ASAP2: variants seen among roughly 807,000 people sequenced by gnomAD.
The protein encoded by ASAP2 is arf-GAP with SH3 domain, ANK repeat and PH domain-containing protein 2.
A neutral mutation model predicts 131.4 loss-of-function variants in ASAP2; 45 were observed. The ratio of observed to expected loss-of-function variants is 0.34; its 90% CI spans 0.27 to 0.44. ASAP2 has a LOEUF of 0.44. Ranked by LOEUF, ASAP2 falls within the 20% of genes least tolerant of loss-of-function variation. ASAP2 has a pLI of 1.00. For missense variants in ASAP2, 1,011 were observed against 1,297.0 expected (o/e 0.78, Z 3.39); for synonymous variants, 510 against 503.0 (o/e 1.01, Z -0.19).
intron 17 of ASAP2, among the ~76,000 whole-genome samples, chr2:9,375,903 C>G (rs1218400836): frequency 1.3e-5 from 2 of 152,228 alleles, no homozygotes; most frequent in Admixed American, 1.3e-4. Context: ...CAAGACCCCT[C>G]CTTTCCTGGG....
intron 9 of ASAP2, among the ~76,000 whole-genome samples, chr2:9,337,553 A>G (rs1183562817): frequency 6.6e-6 from 1 of 152,198 alleles, no homozygotes; most frequent in Non-Finnish European, 1.5e-5. Context: ...CTGTGTAATA[A>G]CAGTTGATAG....
At chr2:9,258,822 T>C (rs939201264) in intron 1 of ASAP2, among the ~76,000 whole-genome samples, 1 of 152,240 alleles carries the variant, frequency 6.6e-6, no homozygotes, top group African/African-American at 2.4e-5. Flanking sequence ...TCTCGCTCTC[T>C]CTCCTCTTCA....
chr2:9,335,024 C>T, intron 8 of ASAP2, 69 bp from the exon 9 acceptor site: 2 of 1,507,250 alleles, frequency 1.3e-6, no homozygotes, highest in Admixed American at 3.4e-5. Context: ...GCCCCATGAG[C>T]ACCAACGTTT....
chr2:9,265,672 A>G (rs1019871891), intron 1 of ASAP2, among the ~76,000 whole-genome samples: 19 of 152,136 alleles, frequency 1.2e-4, no homozygotes, highest in African/African-American at 4.6e-4. Flanking sequence ...TCACTTGTCT[A>G]TCCTCTTTTA....
chr2:9,218,378 T>G (rs1385904536), intron 1 of ASAP2, among the ~76,000 whole-genome samples: 2 of 152,212 alleles, frequency 1.3e-5, no homozygotes, highest in East Asian at 3.8e-4. Context: ...TCCTTAGAGC[T>G]GAGGGGCCAA....
At chr2:9,327,803 A>G (rs1305433317) in intron 6 of ASAP2, 23 bp from the exon 7 acceptor site, 2 of 1,559,642 alleles carry the variant, frequency 1.3e-6, no homozygotes, top group Non-Finnish European at 1.7e-6. Context: ...CTTCCATGAC[A>G]TTTCCTTTTC....
chr2:9,260,338 T>G (rs1345400809), intron 1 of ASAP2, among the ~76,000 whole-genome samples: 3 of 152,222 alleles, frequency 2.0e-5, no homozygotes, highest in African/African-American at 7.2e-5. Context: ...GCGGGAAGGA[T>G]GCCTGGCTGA....
At chr2:9,317,297 TCA>T (rs1487738999) in intron 3 of ASAP2, among the ~76,000 whole-genome samples, 3 of 142,978 alleles carry the variant, frequency 2.1e-5, no homozygotes, top group African/African-American at 5.3e-5. Flanking sequence ...ACCCTCACAA[TCA>T]CAGCCCCCCA....
intron 6 of ASAP2, among the ~76,000 whole-genome samples, chr2:9,323,515 G>A (rs1220482196): frequency 3.3e-5 from 5 of 152,194 alleles, no homozygotes; most frequent in Non-Finnish European, 4.4e-5. Flanking sequence ...CTTCACGTAC[G>A]TACTCTTGCT....
rs182423518 is a variant in ASAP2, at chr2:9,297,850, C to A, written c.345+405C>A. 3.2e-4 allele frequency among the ~76,000 whole-genome samples: 48 copies of A among 152,260 alleles called. No homozygotes were observed. The East Asian group carries it at 9.1e-3, about 29-fold the overall frequency. On this transcript the variant is annotated intron_variant, in intron 3 of 27. Transcript: ENST00000281419. ...CTTACACAGCAAGGTAACCTGTAAT[C>A]AAAGCACAGAAATTACCATGAATAT...
At chr2:9,228,419 A>G (rs894803147) in intron 1 of ASAP2, among the ~76,000 whole-genome samples, 4 of 152,322 alleles carry the variant, frequency 2.6e-5, no homozygotes, top group Middle Eastern at 6.8e-3. Context: ...CTTTGAGTCT[A>G]TAATCACATT....
At chr2:9,327,146 CT>C (rs1670533740) in intron 6 of ASAP2, among the ~76,000 whole-genome samples, 2 of 150,788 alleles carry the variant, frequency 1.3e-5, no homozygotes, top group South Asian at 4.2e-4. Flanking sequence ...CCCGCCCATC[CT>C]TTACAGCTGA....
rs528790114 is a variant in ASAP2, at chr2:9,266,716, C to T, written c.127-12601C>T. Reference sequence around the variant, plus strand: ...GAAGTGTTTCTCTTATGTTTGCTGCCGTCAAAGTTGCTACTTTAGGAGCTC... The same window carrying T: ...GAAGTGTTTCTCTTATGTTTGCTGCTGTCAAAGTTGCTACTTTAGGAGCTC... On this transcript the variant is annotated intron_variant, in intron 1 of 27. Coordinates refer to ENST00000281419, the MANE Select transcript of ASAP2 (RefSeq NM_003887.3). 6.6e-5 allele frequency among the ~76,000 whole-genome samples: 10 copies of T among 152,258 alleles called. No homozygotes were observed. In the South Asian group the frequency reaches 1.9e-3, roughly 28 times the overall value.
At position 9,379,194 on chromosome 2, in the gene ASAP2, A is replaced by G. The variant is rs534675022; in HGVS notation, c.1948+135A>G. On this transcript the variant is annotated intron_variant, in intron 19 of 27. Coordinates refer to ENST00000281419, the MANE Select transcript of ASAP2 (RefSeq NM_003887.3). ...TTAGTGCCAAAGAGAAGGAGAACCT[A>G]CCGCTAATGAGAAAGAGCCTCTCCC... 1.0e-5 allele frequency: 5 copies of G among 489,440 alleles called. No homozygotes were observed. The East Asian group carries it at 1.1e-4, about 10-fold the overall frequency. The allele number at this position is 489,440 out of a possible 1,614,324, so 30.3% of individuals were successfully genotyped here.
chr2:9,227,014 A>G lies in ASAP2; in HGVS notation c.126+19784A>G, dbSNP rs185036135. ...GGGTAAGGGAGCTCAGATCCAGTCC[A>G]GGTGTTCGGGTCCTGCTCCCTGGCG... On this transcript the variant is annotated intron_variant, in intron 1 of 27. Transcript: ENST00000281419. 1.7e-3 allele frequency among the ~76,000 whole-genome samples: 257 copies of G among 152,220 alleles called. 1 individual carries two copies. Among genetic ancestry groups the G allele is most frequent in the South Asian group, 3.9e-3 (19 of 4,820 alleles).
intron 12 of ASAP2, among the ~76,000 whole-genome samples, chr2:9,355,436 C>T (rs1423963946): frequency 6.6e-6 from 1 of 152,174 alleles, no homozygotes; most frequent in Non-Finnish European, 1.5e-5. Context: ...CAGAATGATG[C>T]TGCCACATCC....
At chr2:9,263,113 C>T (rs1178458248) in intron 1 of ASAP2, among the ~76,000 whole-genome samples, 2 of 152,086 alleles carry the variant, frequency 1.3e-5, no homozygotes, top group East Asian at 3.9e-4. Context: ...TGGCCCAGGC[C>T]GTGGCTGCAT....
intron 6 of ASAP2, among the ~76,000 whole-genome samples, chr2:9,324,741 C>T (rs984322064): frequency 3.3e-5 from 5 of 152,210 alleles, no homozygotes; most frequent in African/African-American, 1.2e-4. Context: ...TTAGGGGACA[C>T]ATTGAAACCA....
intron 3 of ASAP2, 49 bp from the exon 4 acceptor site, chr2:9,318,475 G>A: frequency 1.4e-6 from 2 of 1,397,016 alleles, no homozygotes; most frequent in Non-Finnish European, 2.0e-6. Context: ...CCTTACTTTA[G>A]ATTCACAAGG....
Sources: allele counts gnomAD v4.1 joint callset (sites outside exome capture counted in the v4.1 genomes callset), GRCh38; gene constraint gnomAD v4.1.1; transcripts MANE v1.5; gene names NCBI Gene and HGNC (gene_info 2026-07-23, HGNC 2026-07-21).